The following CEP89 variants were observed in gnomAD, a reference collection of about 807,000 sequenced individuals.
CEP89 encodes the protein centrosomal protein 89.
Under a neutral mutation model 97.6 loss-of-function variants are expected in CEP89, and 95 were observed. That is an observed-to-expected ratio of 0.97 (90% CI 0.82 to 1.15). The LOEUF is 1.15. Among genes scored for constraint, CEP89 ranks in the 50% most tolerant of loss-of-function variants. The pLI is 0.00. For missense variants in CEP89, 869 were observed against 947.7 expected (o/e 0.92, Z 1.09); for synonymous variants, 354 against 349.1 (o/e 1.01, Z -0.16).
intron 15 of CEP89, among the ~76,000 whole-genome samples, chr19:32,901,039 C>G (rs1443425398): frequency 6.6e-6 from 1 of 151,968 alleles, no homozygotes; most frequent in Non-Finnish European, 1.5e-5. Context: ...GTGCGTGCCA[C>G]TACCGCCTGG....
chr19:32,926,062 G>T, intron 11 of CEP89, 128 bp downstream of exon 11: 18 of 707,110 alleles, frequency 2.5e-5, no homozygotes, highest in South Asian at 5.3e-5. Flanking sequence ...CCTCCTTTCT[G>T]TCCTCTAATA....
chr19:32,931,036 C>T (rs1174768014), intron 9 of CEP89, among the ~76,000 whole-genome samples: 1 of 152,088 alleles, frequency 6.6e-6, no homozygotes, highest in East Asian at 1.9e-4. Flanking sequence ...CAGGCATGCG[C>T]CACCATGCTC....
At chr19:32,942,104 G>A (rs868704383) in intron 5 of CEP89, among the ~76,000 whole-genome samples, 30 of 152,044 alleles carry the variant, frequency 2.0e-4, no homozygotes, top group Non-Finnish European at 3.5e-4. Flanking sequence ...ACAGCTGGTC[G>A]GGCACACTGG....
chr19:32,956,036 T>C (rs1971039468), intron 3 of CEP89, among the ~76,000 whole-genome samples: 1 of 147,232 alleles, frequency 6.8e-6, no homozygotes, highest in Non-Finnish European at 1.5e-5. Flanking sequence ...GGTATGTCCA[T>C]TCCAATTTGG....
chr19:32,879,236 C>A lies in CEP89; in HGVS notation c.2278G>T (p.Val760Phe), dbSNP rs537113854. 2 of 1,614,068 alleles carry A rather than the reference C, an allele frequency of 1.2e-6. No homozygotes were observed. The highest frequency in any genetic ancestry group is 1.6e-4 in the Middle Eastern group (1 of 6,084). The change falls in exon 19 of 19, where the codon GTC becomes TTC. Residue 760 changes from valine to phenylalanine, a missense_variant. Val to Phe is a conservative substitution (Grantham distance 50). Coordinates refer to ENST00000305768, the MANE Select transcript of CEP89 (RefSeq NM_032816.5). ...CCGTCCAGCAGGTCTGCCTGAGAGA[C>A]GCCATTGAGGCTGGGGGCAACCAGA... ...RALVAPSLNG[V>F]SQADLLDGCD...
At chr19:32,937,550 A>G in intron 7 of CEP89, 81 bp downstream of exon 7, 1 of 1,134,520 alleles carries the variant, frequency 8.8e-7, no homozygotes. Context: ...AGAAAATGTA[A>G]TCTTTATTTT....
intron 12 of CEP89, among the ~76,000 whole-genome samples, chr19:32,920,061 C>G (rs895525724): frequency 3.3e-5 from 5 of 152,142 alleles, no homozygotes; most frequent in African/African-American, 1.2e-4. Context: ...GAAACAGGGT[C>G]TTGTTCTGTC....
chr19:32,941,465 G>T (rs1206666315), intron 5 of CEP89, among the ~76,000 whole-genome samples: 1 of 152,012 alleles, frequency 6.6e-6, no homozygotes, highest in Non-Finnish European at 1.5e-5. Flanking sequence ...ACTGTAACAT[G>T]ACACTCCAGC....
intron 13 of CEP89, 50 bp downstream of exon 13, chr19:32,918,174 T>C (rs749427851): frequency 1.4e-6 from 2 of 1,404,054 alleles, no homozygotes; most frequent in Admixed American, 3.5e-5. Flanking sequence ...AAGGGTAAAA[T>C]GACAATAGTG....
chr19:32,906,089 A>G (rs979513378), intron 14 of CEP89, among the ~76,000 whole-genome samples: 10 of 152,128 alleles, frequency 6.6e-5, no homozygotes, highest in African/African-American at 2.4e-4. Flanking sequence ...ACCTTTCTCT[A>G]TCCTTATGCT....
chr19:32,882,069 G>C, intron 17 of CEP89, 56 bp from the exon 18 acceptor site: 2 of 1,470,224 alleles, frequency 1.4e-6, no homozygotes, highest in Non-Finnish European at 1.8e-6. Context: ...AGGGTGGACA[G>C]TGCCTCCTGG....
rs1014831566 is a variant in CEP89 at position 32,898,473 on chromosome 19, C to A, written c.1875+1384G>T. The stretch of plus-strand genomic sequence containing the variant: ...AGGTATAAGCATACAGTTAGATAGA[C>A]GAAATAAGTTATCATGTTCGACAGC... On this transcript the variant is annotated intron_variant, in intron 16 of 18. Coordinates refer to ENST00000305768, the MANE Select transcript of CEP89 (RefSeq NM_032816.5). Among the ~76,000 whole-genome samples, 5 of 152,096 alleles carry A rather than the reference C, an allele frequency of 3.3e-5. No individual in the cohort carries two copies. The East Asian group carries it at 9.6e-4, about 29-fold the overall frequency.
chr19:32,917,698 T>A (rs1970156498), intron 13 of CEP89: 1 of 591,064 alleles, frequency 1.7e-6, no homozygotes, highest in Non-Finnish European at 2.1e-6. Context: ...TCACAGACTA[T>A]GAGGCTCCTA....
At chr19:32,941,187 T>G (rs1281982097) in intron 5 of CEP89, among the ~76,000 whole-genome samples, 1 of 152,120 alleles carries the variant, frequency 6.6e-6, no homozygotes, top group Non-Finnish European at 1.5e-5. Context: ...AAGAAAATGC[T>G]AGAGATACAT....
chr19:32,917,482 G>A lies in CEP89; in HGVS notation c.1384+742C>T, dbSNP rs114128257. On this transcript the variant is annotated intron_variant, in intron 13 of 18. Coordinates refer to ENST00000305768, the MANE Select transcript of CEP89 (RefSeq NM_032816.5). Reference sequence around the variant, plus strand: ...CTGCCATTCCAAAAGCAGCTGGAGAGGGAAAACCTCCATCTGCTTCTCAGG... The same window carrying A: ...CTGCCATTCCAAAAGCAGCTGGAGAAGGAAAACCTCCATCTGCTTCTCAGG... Among the ~76,000 whole-genome samples the A allele has an allele frequency of 1.4e-3, 206 of 152,324 alleles. 1 individual carries two copies. Among genetic ancestry groups the A allele is most frequent in the African/African-American group, 4.8e-3 (199 of 41,568 alleles).
At chr19:32,915,543 A>G in intron 13 of CEP89, 26 bp from the exon 14 acceptor site, 1 of 1,592,354 alleles carries the variant, frequency 6.3e-7, no homozygotes, top group South Asian at 1.1e-5. Flanking sequence ...GGAAGATAAA[A>G]ACTTGGCACA....
intron 3 of CEP89, among the ~76,000 whole-genome samples, chr19:32,954,373 T>G (rs985973791): frequency 1.2e-4 from 7 of 58,506 alleles, no homozygotes; most frequent in South Asian, 4.8e-4. Context: ...TGTTTTTTTG[T>G]TTTTTTTTTG....
chr19:32,938,016 T>C (rs1970613318), intron 6 of CEP89, among the ~76,000 whole-genome samples: 1 of 150,598 alleles, frequency 6.6e-6, no homozygotes, highest in Admixed American at 6.6e-5. Flanking sequence ...TTTTTTTTTT[T>C]TTTTTGTAGA....
chr19:32,900,876 T>G (rs1239346516), intron 15 of CEP89, among the ~76,000 whole-genome samples: 1 of 146,054 alleles, frequency 6.8e-6, no homozygotes, highest in African/African-American at 2.5e-5. Flanking sequence ...AAATGGAATA[T>G]TCTTCATTTG....
Sources: gnomAD v4.1 joint callset for allele counts (sites outside exome capture counted in the v4.1 genomes callset) on GRCh38, gnomAD v4.1.1 for gene constraint, MANE v1.5 for transcripts, NCBI Gene and HGNC (gene_info 2026-07-23, HGNC 2026-07-21) for gene names.